CNTN4: variants seen among roughly 807,000 people sequenced by gnomAD.
CNTN4 encodes the protein contactin 4.
Under a neutral mutation model 122.5 loss-of-function variants are expected in CNTN4, and 77 were observed. The observed-to-expected ratio is 0.63, with a 90% CI of 0.52 to 0.76. CNTN4 has a LOEUF of 0.76. Ranked by LOEUF, CNTN4 falls within the 30% of genes least tolerant of loss-of-function variation. The pLI is 0.00. For synonymous variants in CNTN4, 512 were observed against 447.0 expected (o/e 1.15, Z -1.83); for missense variants, 1,256 against 1,259.1 (o/e 1.00, Z 0.04).
chr3:2,402,621 C>T (rs373078300), intron 3 of CNTN4, among the ~76,000 whole-genome samples: 4 of 151,968 alleles, frequency 2.6e-5, no homozygotes, highest in Non-Finnish European at 5.9e-5. Context: ...ACTAGTGACC[C>T]TACTTGTGCT....
chr3:2,504,141 C>T (rs946396602), intron 3 of CNTN4, among the ~76,000 whole-genome samples: 11 of 151,974 alleles, frequency 7.2e-5, no homozygotes, highest in Non-Finnish European at 1.6e-4. Flanking sequence ...GTGCATTCTG[C>T]AGAAGTTGAA....
chr3:2,460,197 C>T lies in CNTN4; in HGVS notation c.-88-111219C>T, dbSNP rs536731175. 5.9e-5 allele frequency among the ~76,000 whole-genome samples: 9 copies of T among 152,238 alleles called. No homozygotes were observed. The East Asian group carries it at 1.5e-3, about 26-fold the overall frequency. ...TTATCCTATGTATAGTTTATCACCACGGTTGCTCGGCATGCTCTTTTCTGG... is the reference window on the plus strand; with the variant it reads ...TTATCCTATGTATAGTTTATCACCATGGTTGCTCGGCATGCTCTTTTCTGG... On this transcript the variant is annotated intron_variant, in intron 3 of 24. Coordinates refer to ENST00000418658, the MANE Select transcript of CNTN4 (RefSeq NM_175607.3).
chr3:2,348,091 G>T (rs2044472640), intron 3 of CNTN4, among the ~76,000 whole-genome samples: 1 of 152,028 alleles, frequency 6.6e-6, no homozygotes, highest in Non-Finnish European at 1.5e-5. Context: ...CTTTCTTTGG[G>T]AATGTTGTGA....
At chr3:2,493,582 G>A (rs929618099) in intron 3 of CNTN4, among the ~76,000 whole-genome samples, 1 of 151,390 alleles carries the variant, frequency 6.6e-6, no homozygotes, top group African/African-American at 2.4e-5. Flanking sequence ...GTTGGTTTGA[G>A]CAGTTAGTAT....
chr3:2,974,201 T>C (rs1693205586), intron 13 of CNTN4, among the ~76,000 whole-genome samples: 2 of 152,208 alleles, frequency 1.3e-5, no homozygotes, highest in Admixed American at 1.3e-4. Context: ...TAGGTGGGTT[T>C]TTATCACATT....
intron 2 of CNTN4, among the ~76,000 whole-genome samples, chr3:2,301,294 A>G (rs1267028280): frequency 1.3e-5 from 2 of 152,252 alleles, no homozygotes; most frequent in Non-Finnish European, 2.9e-5. Context: ...GGTCTGCATT[A>G]TATTTCTTCA....
At chr3:2,117,259 G>A (rs150420142) in intron 2 of CNTN4, among the ~76,000 whole-genome samples, 74 of 152,284 alleles carry the variant, frequency 4.9e-4, no homozygotes, top group Admixed American at 1.6e-3. Flanking sequence ...AGGGAAACAC[G>A]TTTACTGGTT....
At chr3:2,686,722 T>A (rs1055596345) in intron 4 of CNTN4, among the ~76,000 whole-genome samples, 2 of 152,150 alleles carry the variant, frequency 1.3e-5, no homozygotes, top group Admixed American at 1.3e-4. Flanking sequence ...ACTAAAGCTG[T>A]AGTACCCCAA....
chr3:2,791,495 T>G (rs898393973), intron 6 of CNTN4, among the ~76,000 whole-genome samples: 2 of 150,976 alleles, frequency 1.3e-5, no homozygotes, highest in African/African-American at 4.9e-5. Context: ...ATTGTGCCAC[T>G]GCACTCCAGC....
At chr3:2,730,408 G>C (rs1477227146) in intron 4 of CNTN4, among the ~76,000 whole-genome samples, 1 of 152,120 alleles carries the variant, frequency 6.6e-6, no homozygotes, top group Non-Finnish European at 1.5e-5. Context: ...ATGCTCACCT[G>C]TTTCAGCCGG....
chr3:2,429,358 G>A (rs769417063), intron 3 of CNTN4, among the ~76,000 whole-genome samples: 1 of 152,206 alleles, frequency 6.6e-6, no homozygotes, highest in Non-Finnish European at 1.5e-5. Context: ...TCCAGACCCT[G>A]TTTGCCTGAG....
intron 13 of CNTN4, among the ~76,000 whole-genome samples, chr3:2,959,253 T>G (rs1474424759): frequency 6.6e-6 from 1 of 152,176 alleles, no homozygotes; most frequent in Non-Finnish European, 1.5e-5. Flanking sequence ...GAAATTAGCT[T>G]CTAGGGGAAA....
At chr3:2,156,770 G>A (rs545040195) in intron 2 of CNTN4, among the ~76,000 whole-genome samples, 2 of 152,166 alleles carry the variant, frequency 1.3e-5, no homozygotes, top group East Asian at 3.9e-4. Flanking sequence ...TGGTAGTTCT[G>A]CAGTTGAAAG....
chr3:2,485,301 G>A (rs916056696), intron 3 of CNTN4, among the ~76,000 whole-genome samples: 4 of 152,232 alleles, frequency 2.6e-5, no homozygotes, highest in South Asian at 2.1e-4. Context: ...GCGGGCACGC[G>A]GTGGCACGGG....
intron 13 of CNTN4, among the ~76,000 whole-genome samples, chr3:2,955,316 A>C (rs2094788207): frequency 6.6e-6 from 1 of 152,218 alleles, no homozygotes; most frequent in African/African-American, 2.4e-5. Flanking sequence ...CTGAACTAGC[A>C]GCACAGTAAA....
At chr3:2,228,891 GTTAA>G (rs2039384357) in intron 2 of CNTN4, among the ~76,000 whole-genome samples, 1 of 152,116 alleles carries the variant, frequency 6.6e-6, no homozygotes, top group African/African-American at 2.4e-5. Context: ...GGACATCTCA[GTTAA>G]TTTAGAGCTG....
intron 4 of CNTN4, among the ~76,000 whole-genome samples, chr3:2,599,164 T>C (rs534329664): frequency 1.2e-4 from 18 of 152,314 alleles, no homozygotes; most frequent in African/African-American, 4.3e-4. Context: ...GTAGGGACCA[T>C]GGAGTGTAGA....
intron 2 of CNTN4, among the ~76,000 whole-genome samples, chr3:2,324,043 T>A (rs187851360): frequency 6.6e-6 from 1 of 152,316 alleles, no homozygotes; most frequent in East Asian, 1.9e-4. Flanking sequence ...CTGTTCATTA[T>A]AGGATATTTA....
chr3:2,751,932 A>G (rs890398780), intron 6 of CNTN4, among the ~76,000 whole-genome samples: 4 of 152,122 alleles, frequency 2.6e-5, no homozygotes, highest in African/African-American at 7.2e-5. Context: ...TAATTGTTCC[A>G]TTTCATTCTA....
Sources: allele counts gnomAD v4.1 joint callset (sites outside exome capture counted in the v4.1 genomes callset), GRCh38; gene constraint gnomAD v4.1.1; transcripts MANE v1.5; gene names NCBI Gene and HGNC (gene_info 2026-07-23, HGNC 2026-07-21).